Variants in RPS20 observed in about 807,000 individuals in gnomAD.
RPS20 encodes ribosomal protein S20, also known as small ribosomal subunit protein uS10.
Under a neutral mutation model 15.3 loss-of-function variants are expected in RPS20, and 3 were observed. The observed-to-expected ratio is 0.20, with a 90% CI of 0.09 to 0.51. The LOEUF is 0.51. Among genes scored for constraint, RPS20 ranks in the 20% least tolerant of loss-of-function variants. RPS20 has a pLI of 0.96. For missense variants in RPS20, 67 were observed against 145.9 expected, an observed-to-expected ratio of 0.46 and a Z score of 2.79; for synonymous variants, 62 against 47.8, an observed-to-expected ratio of 1.30 and a Z score of -1.23.
rs1235218302 is a variant in RPS20 at position 56,074,029 on chromosome 8, C to T, written c.103+31G>A. 3 of 1,547,940 alleles carry T rather than the reference C, an allele frequency of 1.9e-6. No individual in the cohort carries two copies. The South Asian group carries it at 3.3e-5, about 17-fold the overall frequency. ...AAGCTCGTCGCTTTTCGCCCAATTC[C>T]CCCTCCCCCCCGCATAACGAATGCA... On this transcript the variant is annotated intron_variant, in intron 2 of 3. Coordinates refer to ENST00000009589, the MANE Select transcript of RPS20 (RefSeq NM_001023.4).
chr8:56,072,613 T>G (rs1809796877), downstream of RPS20, among the ~76,000 whole-genome samples: 1 of 140,836 alleles, frequency 7.1e-6, no homozygotes, highest in Non-Finnish European at 1.5e-5. Context: ...AAAATATAAG[T>G]ATTTTTAAAC....
downstream of RPS20, chr8:56,072,912 G>C: frequency 7.3e-7 from 1 of 1,361,086 alleles, no homozygotes; most frequent in Non-Finnish European, 9.5e-7. Context: ...ACGGAATCCA[G>C]TTTTCAAATG....
chr8:56,068,405 G>C (rs1441464044), downstream of RPS20: 1 of 152,040 alleles, frequency 6.6e-6, no homozygotes, highest in Admixed American at 6.6e-5. Context: ...GGGAACACTG[G>C]TGCACACCTG....
At chr8:56,074,289 G>T in intron 1 of RPS20, 92 bp downstream of exon 1, 1 of 1,535,880 alleles carries the variant, frequency 6.5e-7, no homozygotes, top group Non-Finnish European at 8.8e-7. Context: ...TACACGCCCC[G>T]GCATCTGCCC....
rs1554524612 is a variant in RPS20 at position 56,073,731 on chromosome 8, A to G, written c.141T>C (p.Asn47=). The G allele has an allele frequency of 6.8e-6, 11 of 1,614,110 alleles. No individual in the cohort carries two copies. In the East Asian group the frequency reaches 1.1e-4, roughly 16 times the overall value. Residue 47 remains asparagine, a synonymous_variant, in exon 3 of 4, where the codon AAT becomes AAC. Coordinates refer to ENST00000009589, the MANE Select transcript of RPS20 (RefSeq NM_001023.4). ...ADLIRGAKEK[N]LKVKGPVRMP... ...TTCGAACTGGTCCTTTCACTTTGAG[A>G]TTCTTTTCTTTTGCGCCTCTTATCA...
Position 56,074,358 on chromosome 8 carries a change from CCCG to C in RPS20, c.3+20_3+22del. On this transcript the variant is annotated intron_variant, in intron 1 of 3. Transcript: ENST00000009589. ...GGCGCCCGAGCCCTGCGTTGCGCCG[CCCG>C]CCGCCGACTGCCGCCTCACCATGGC... 4 of 1,552,824 alleles carry C rather than the reference CCCG, an allele frequency of 2.6e-6. No homozygotes were observed. The highest frequency in any genetic ancestry group is 3.5e-6 in the Non-Finnish European group (4 of 1,154,762).
At position 56,073,198 on chromosome 8, in the gene RPS20, A is replaced by G. The variant is rs1585722613; in HGVS notation, c.252T>C (p.Ile84=). 6.2e-7 allele frequency: 1 copy of G among 1,602,498 alleles called. No homozygotes were observed. The stretch of plus-strand genomic sequence containing the variant: ...TGTGCAAGTCAATGAGTCGCTTGTG[A>G]ATTCTCATCTGGAAACGATCCCACG... ...SKTWDRFQMR[I]HKRLIDLHSP... The change falls in exon 4 of 4, where the codon ATT becomes ATC. Residue 84 remains isoleucine, a synonymous_variant. Transcript: ENST00000009589.
At chr8:56,074,027 T>C (rs1457896382) in intron 2 of RPS20, 33 bp downstream of exon 2, 4 of 1,542,522 alleles carry the variant, frequency 2.6e-6, no homozygotes, top group Middle Eastern at 1.7e-4. Context: ...TTCGCCCAAT[T>C]CCCCCTCCCC....
chr8:56,074,267 C>A (rs1483052351), intron 1 of RPS20, 108 bp from the exon 2 acceptor site: 8 of 1,521,034 alleles, frequency 5.3e-6, no homozygotes, highest in Non-Finnish European at 7.2e-6. Flanking sequence ...TTCAGGAGCG[C>A]CTTTCCGCCC....
chr8:56,067,719 A>G (rs1809651243), exon 6 of RPS20: 1 of 152,096 alleles, frequency 6.6e-6, no homozygotes, highest in South Asian at 2.1e-4. Context: ...CTGCCACATG[A>G]TATGGTATGG....
chr8:56,073,765 C>T lies in RPS20; in HGVS notation c.107G>A (p.Cys36Tyr). The change falls in exon 3 of 4, where the codon TGT becomes TAT. Residue 36 changes from cysteine to tyrosine, a missense_variant. By Grantham distance (194) the Cys-to-Tyr change is radical. Transcript: ENST00000009589. ...TTTTGCGCCTCTTATCAAGTCAGCA[C>T]ACACTACAGGAAATAAAAGACCTCT... is the stretch of plus-strand genomic sequence containing the variant. ...SRNVKSLEKV[C>Y]ADLIRGAKEK... The T allele has an allele frequency of 6.2e-7, 1 of 1,613,994 alleles. No homozygotes were observed. The highest frequency in any genetic ancestry group is 8.5e-7 in the Non-Finnish European group (1 of 1,179,850).
At chr8:56,073,908 T>C (rs757504337) in intron 2 of RPS20, 140 bp from the exon 3 acceptor site, 19 of 1,089,868 alleles carry the variant, frequency 1.7e-5, no homozygotes, top group Non-Finnish European at 2.1e-5. Flanking sequence ...GCCAGCTGTA[T>C]GACAGTAAAA....
chr8:56,072,547 G>A (rs1386069568), downstream of RPS20, among the ~76,000 whole-genome samples: 9 of 135,284 alleles, frequency 6.7e-5, no homozygotes, highest in South Asian at 6.9e-4. Context: ...GCAAAACGCC[G>A]TCCCCCCCCC....
rs1282900749 is a variant in RPS20, at chr8:56,074,114, T to C, written c.49A>G (p.Ile17Val). 5 of 1,613,740 alleles carry C rather than the reference T, an allele frequency of 3.1e-6. No homozygotes were observed. Among genetic ancestry groups the C allele is most frequent in the South Asian group, 2.2e-5 (2 of 91,084 alleles). The change falls in exon 2 of 4, where the codon ATT (isoleucine) becomes GTT (valine). Residue 17 changes from isoleucine (I) to valine (V), a missense_variant. Ile to Val is a conservative substitution (Grantham distance 29, BLOSUM62 3). Coordinates refer to ENST00000009589, the MANE Select transcript of RPS20 (RefSeq NM_001023.4). ...GTTAGGGTGATTCGAATTCGGTGAATTGCCACCTCCGGCTCCACGGGTGTT... is the reference window on the plus strand; with the variant it reads ...GTTAGGGTGATTCGAATTCGGTGAACTGCCACCTCCGGCTCCACGGGTGTT... Reference protein sequence around the residue: ...GKTPVEPEVAIHRIRITLTSR... With the variant: ...GKTPVEPEVAVHRIRITLTSR...
At chr8:56,072,045 C>G (rs75290715), downstream of RPS20, among the ~76,000 whole-genome samples, 6,251 of 152,160 alleles carry the variant, frequency 0.041, 432 homozygotes, top group African/African-American at 0.14. Flanking sequence ...GAGTTCCAGA[C>G]CAGCCTGGGC....
chr8:56,068,735 A>G (rs1449238703), downstream of RPS20, among the ~76,000 whole-genome samples: 5 of 144,726 alleles, frequency 3.5e-5, no homozygotes, highest in Non-Finnish European at 7.5e-5. Context: ...AAATGTGCAC[A>G]GTTGCTTGAA....
chr8:56,072,411 G>GCCAAGTCTCTA (rs1248082050), downstream of RPS20, among the ~76,000 whole-genome samples: 1 of 151,472 alleles, frequency 6.6e-6, no homozygotes, highest in Admixed American at 6.6e-5. Flanking sequence ...AATTAACCAG[G>GCCAAGTCTCTA]CTTGGTCGCA....
chr8:56,071,256 T>C (rs1020124018), downstream of RPS20, among the ~76,000 whole-genome samples: 1 of 152,216 alleles, frequency 6.6e-6, no homozygotes, highest in Non-Finnish European at 1.5e-5. Context: ...GTGACATTTT[T>C]TTCAGAATTT....
chr8:56,069,755 C>T (rs751428302), downstream of RPS20: 29 of 1,551,648 alleles, frequency 1.9e-5, no homozygotes, highest in Non-Finnish European at 2.2e-5. Context: ...GGACATGTCC[C>T]CGGGGATTCG....
Sources: gnomAD v4.1 joint callset for allele counts (sites outside exome capture counted in the v4.1 genomes callset) on GRCh38, gnomAD v4.1.1 for gene constraint, MANE v1.5 for transcripts, NCBI Gene and HGNC (gene_info 2026-07-23, HGNC 2026-07-21) for gene names.